The following KALRN variants were observed in gnomAD, a reference collection of about 807,000 sequenced individuals.
KALRN encodes kalirin.
A neutral mutation model predicts 353.7 loss-of-function variants in KALRN; 70 were observed. That is an observed-to-expected ratio of 0.20 (90% CI 0.16 to 0.24). KALRN has a LOEUF of 0.24. Among genes scored for constraint, KALRN ranks in the 10% least tolerant of loss-of-function variants. The pLI is 1.00. For missense variants in KALRN, 2,791 were observed against 3,756.7 expected (o/e 0.74, Z 6.72); for synonymous variants, 1,391 against 1,434.8 (o/e 0.97, Z 0.69).
At chr3:124,287,381 T>G (rs2076005613) in intron 5 of KALRN, among the ~76,000 whole-genome samples, 1 of 152,028 alleles carries the variant, frequency 6.6e-6, no homozygotes, top group Non-Finnish European at 1.5e-5. Context: ...CTCCCTCCAC[T>G]GTAATATCCT....
intron 13 of KALRN, among the ~76,000 whole-genome samples, chr3:124,407,318 A>G (rs4428125): frequency 6.6e-6 from 1 of 151,238 alleles, no homozygotes; most frequent in East Asian, 1.9e-4. Flanking sequence ...GTTTTCTTTT[A>G]TATATATATA....
rs145320270 is a variant in KALRN, at chr3:124,427,067, G to A, written c.2710-3589G>A. On this transcript the variant is annotated intron_variant, in intron 15 of 59. Transcript: ENST00000682506. The stretch of plus-strand genomic sequence containing the variant: ...GCATATAATCAAGATGGACATTTAG[G>A]ACAAAGGAGAAAATATTAGCATGTC... 3.8e-3 allele frequency among the ~76,000 whole-genome samples: 578 copies of A among 152,262 alleles called. 3 individuals are homozygous for A. The highest frequency in any genetic ancestry group is 5.4e-3 in the Non-Finnish European group (370 of 68,014).
chr3:124,585,243 G>A (rs975366593), intron 34 of KALRN, among the ~76,000 whole-genome samples: 4 of 152,222 alleles, frequency 2.6e-5, no homozygotes, highest in African/African-American at 9.6e-5. Context: ...ACGCAGAGCC[G>A]CGTGTGTCCC....
intron 34 of KALRN, among the ~76,000 whole-genome samples, chr3:124,601,247 A>G (rs999774733): frequency 6.6e-6 from 1 of 152,214 alleles, no homozygotes; most frequent in Non-Finnish European, 1.5e-5. Context: ...GTTCCTGGCT[A>G]CCTGGTATAT....
At chr3:124,355,607 G>A (rs552106065) in intron 10 of KALRN, among the ~76,000 whole-genome samples, 1 of 151,732 alleles carries the variant, frequency 6.6e-6, no homozygotes, top group Non-Finnish European at 1.5e-5. Flanking sequence ...GTCCAAAACA[G>A]AGTGAAGTGC....
At chr3:124,407,319 TA>T (rs1451690332) in intron 13 of KALRN, among the ~76,000 whole-genome samples, 5 of 151,294 alleles carry the variant, frequency 3.3e-5, no homozygotes, top group Admixed American at 6.6e-5. Context: ...TTTTCTTTTA[TA>T]TATATATATA....
intron 1 of KALRN, among the ~76,000 whole-genome samples, chr3:124,131,652 A>T (rs942255138): frequency 1.3e-5 from 2 of 152,202 alleles, no homozygotes; most frequent in Admixed American, 6.5e-5. Context: ...GGCAGCTGTG[A>T]CATCAGGGTG....
At chr3:124,686,188 G>A (rs2061549820) in intron 51 of KALRN, among the ~76,000 whole-genome samples, 1 of 152,210 alleles carries the variant, frequency 6.6e-6, no homozygotes, top group Non-Finnish European at 1.5e-5. Context: ...CCTGCCTGGA[G>A]CCATTTATTC....
intron 1 of KALRN, among the ~76,000 whole-genome samples, chr3:124,169,981 A>G (rs1252911139): frequency 2.0e-5 from 3 of 152,218 alleles, no homozygotes; most frequent in Non-Finnish European, 2.9e-5. Flanking sequence ...GGATATGAGA[A>G]TCTAAGGTGG....
intron 34 of KALRN, among the ~76,000 whole-genome samples, chr3:124,592,454 T>TG (rs1554043008): frequency 6.9e-6 from 1 of 144,872 alleles, no homozygotes; most frequent in African/African-American, 2.5e-5. Context: ...ATCTACATTA[T>TG]AAAAAAAAAA....
intron 33 of KALRN, among the ~76,000 whole-genome samples, chr3:124,524,846 T>A (rs994334713): frequency 6.6e-6 from 1 of 152,178 alleles, no homozygotes; most frequent in Non-Finnish European, 1.5e-5. Flanking sequence ...AAAAGTGCAG[T>A]CAGAGTTAAA....
Position 124,334,147 on chromosome 3 carries a change from G to T in KALRN, c.1417-118G>T. The T allele has an allele frequency of 1.2e-6, 1 of 849,382 alleles. No homozygotes were observed. The highest frequency in any genetic ancestry group is 1.9e-6 in the Non-Finnish European group (1 of 518,852). 52.6% of individuals were successfully genotyped at this position (849,382 alleles called of 1,614,324 possible). A position where few individuals can be genotyped will look rare whatever the true frequency, so the allele number is the denominator to read the frequency against. ...CTGGCTGGCTAGGTGTCTGGGTATGGAATGCCTGAGATTCTCAGAAGGCCT... is the reference window on the plus strand; with the variant it reads ...CTGGCTGGCTAGGTGTCTGGGTATGTAATGCCTGAGATTCTCAGAAGGCCT... On this transcript the variant is annotated intron_variant, in intron 8 of 59. Transcript: ENST00000682506. This position sits in a 1 kb window ranked among gnomAD's most constrained non-coding sequence, Gnocchi z 4.2.
At position 124,631,665 on chromosome 3, in the gene KALRN, A is replaced by G. The variant is rs977388205; in HGVS notation, c.5183-755A>G. Reference sequence around the variant, plus strand: ...GGAATAGTGCAGTGGCCTCCCAACCAGTTTCCCTATTTCCACTTGCCCTCA... The same window carrying G: ...GGAATAGTGCAGTGGCCTCCCAACCGGTTTCCCTATTTCCACTTGCCCTCA... On this transcript the variant is annotated intron_variant, in intron 34 of 59. Coordinates refer to ENST00000682506, the MANE Select transcript of KALRN (RefSeq NM_001388419.1). Among the ~76,000 whole-genome samples the G allele has an allele frequency of 3.0e-4, 46 of 152,176 alleles. 1 individual carries two copies. Among genetic ancestry groups the G allele is most frequent in the Non-Finnish European group, 5.9e-5 (4 of 68,028 alleles).
chr3:124,578,065 T>C (rs1158675979), intron 34 of KALRN, among the ~76,000 whole-genome samples: 5 of 152,222 alleles, frequency 3.3e-5, no homozygotes, highest in African/African-American at 1.2e-4. Flanking sequence ...TTCCATTTCT[T>C]TTTTCTTCCA....
At chr3:124,353,057 A>C (rs569549278) in intron 10 of KALRN, among the ~76,000 whole-genome samples, 12 of 152,352 alleles carry the variant, frequency 7.9e-5, no homozygotes, top group Non-Finnish European at 1.8e-4. Flanking sequence ...TAACAGAATG[A>C]ATGGATAATC....
rs189754856 is a variant in KALRN, at chr3:124,129,703, C to A, written c.73+95890C>A. ...AATAATCACGTCGCCTTCAATCACC[C>A]ATTCACTCTATCACCATGGCCCTAT... On this transcript the variant is annotated intron_variant, in intron 1 of 59. Transcript: ENST00000682506. Among the ~76,000 whole-genome samples the A allele has an allele frequency of 1.8e-3, 274 of 152,326 alleles. 1 individual carries two copies. The Middle Eastern group carries it at 0.02, about 11-fold the overall frequency.
intron 37 of KALRN, among the ~76,000 whole-genome samples, chr3:124,640,671 G>A (rs1289101252): frequency 2.0e-5 from 3 of 152,106 alleles, no homozygotes; most frequent in African/African-American, 7.2e-5. Context: ...ACCAAACCAT[G>A]TGGTCCATGT....
intron 1 of KALRN, among the ~76,000 whole-genome samples, chr3:124,218,977 A>G (rs1304277149): frequency 6.6e-6 from 1 of 152,244 alleles, no homozygotes; most frequent in Non-Finnish European, 1.5e-5. Flanking sequence ...GAAAGTTCAT[A>G]TTGAAATTGG....
chr3:124,278,299 G>A (rs889567454), intron 5 of KALRN, among the ~76,000 whole-genome samples: 2 of 152,140 alleles, frequency 1.3e-5, no homozygotes, highest in Admixed American at 1.3e-4. Flanking sequence ...TGCTTTCTGG[G>A]TGGGGTAGGG....
Sources: allele counts gnomAD v4.1 joint callset (sites outside exome capture counted in the v4.1 genomes callset), GRCh38; gene constraint gnomAD v4.1.1; non-coding constraint Gnocchi (gnomAD v3.1); transcripts MANE v1.5; gene names NCBI Gene and HGNC (gene_info 2026-07-23, HGNC 2026-07-21).